Variants in POGZ observed in about 807,000 individuals in gnomAD.
POGZ encodes pogo transposable element derived with ZNF domain, also known as pogo transposable element with ZNF domain.
A neutral mutation model predicts 134.6 loss-of-function variants in POGZ; 17 were observed. The observed-to-expected ratio is 0.13, with a 90% CI of 0.09 to 0.19. POGZ has a LOEUF of 0.19. Among genes scored for constraint, POGZ ranks in the 10% least tolerant of loss-of-function variants. POGZ has a pLI of 1.00. For missense variants in POGZ, 1,306 were observed against 1,769.7 expected (o/e 0.74, Z 4.70); for synonymous variants, 693 against 657.1 (o/e 1.05, Z -0.84).
At chr1:151,443,750 AG>A (rs1260710214) in intron 1 of POGZ, among the ~76,000 whole-genome samples, 1 of 152,166 alleles carries the variant, frequency 6.6e-6, no homozygotes, top group East Asian at 1.9e-4. Context: ...AAATAAATAA[AG>A]TCTGTATCTC....
intron 10 of POGZ, among the ~76,000 whole-genome samples, chr1:151,419,122 T>C (rs1656369018): frequency 1.3e-5 from 2 of 149,994 alleles, no homozygotes; most frequent in African/African-American, 4.9e-5. Context: ...GGGAGGCCGA[T>C]GCAGGTATAT....
chr1:151,452,517 A>T (rs1453581789), intron 1 of POGZ, among the ~76,000 whole-genome samples: 1 of 152,002 alleles, frequency 6.6e-6, no homozygotes, highest in Non-Finnish European at 1.5e-5. Flanking sequence ...ATATTTTCTT[A>T]TAGATACTAG....
intron 10 of POGZ, among the ~76,000 whole-genome samples, chr1:151,417,688 CCA>C (rs59753677): frequency 0.34 from 47,170 of 137,116 alleles, 8,115 homozygotes; most frequent in Middle Eastern, 0.46. Context: ...GGTACTGTGG[CCA>C]CACACACACA....
intron 15 of POGZ, 34 bp downstream of exon 15, chr1:151,408,066 C>G (rs1206615076): frequency 2.1e-6 from 3 of 1,440,824 alleles, no homozygotes; most frequent in Non-Finnish European, 2.8e-6. Context: ...AATCTGAACT[C>G]TCAAGCTAAA....
intron 1 of POGZ, among the ~76,000 whole-genome samples, chr1:151,442,813 G>A (rs966341099): frequency 6.6e-6 from 1 of 151,542 alleles, no homozygotes; most frequent in Non-Finnish European, 1.5e-5. Flanking sequence ...GGTGGATCAC[G>A]AGGTCACGAG....
intron 1 of POGZ, among the ~76,000 whole-genome samples, chr1:151,456,405 A>G (rs193271918): frequency 1.6e-4 from 24 of 152,356 alleles, no homozygotes; most frequent in African/African-American, 5.5e-4. Flanking sequence ...TTGTTTTCCT[A>G]AAAGTGACAA....
intron 1 of POGZ, among the ~76,000 whole-genome samples, chr1:151,455,350 G>C (rs941937170): frequency 1.2e-4 from 18 of 152,154 alleles, no homozygotes; most frequent in African/African-American, 4.3e-4. Context: ...TTCAAAGCAA[G>C]CTTTTTTTGC....
At chr1:151,407,714 A>G (rs1653897452) in intron 15 of POGZ, among the ~76,000 whole-genome samples, 1 of 152,196 alleles carries the variant, frequency 6.6e-6, no homozygotes, top group Non-Finnish European at 1.5e-5. Flanking sequence ...TGAGTGCTCA[A>G]GAATCTGGCT....
rs1658377991 is a variant in POGZ at position 151,429,679 on chromosome 1, T to C, written c.492A>G (p.Gln164=). The change falls in exon 5 of 19, where the codon CAA becomes CAG. Residue 164 remains glutamine, a synonymous_variant. Coordinates refer to ENST00000271715, the MANE Select transcript of POGZ (RefSeq NM_015100.4). ...CAATCCCAACCTGATTCATTGCATTTTGTACAGGCCGGACATTCCTTACAG... is the reference window on the plus strand; with the variant it reads ...CAATCCCAACCTGATTCATTGCATTCTGTACAGGCCGGACATTCCTTACAG... ...GFPVRNVRPV[Q]NAMNQVGIVL... 1 of 1,613,080 alleles carries C rather than the reference T, an allele frequency of 6.2e-7. No individual in the cohort carries two copies. The highest frequency in any genetic ancestry group is 1.7e-5 in the Admixed American group (1 of 59,986).
At chr1:151,408,936 C>A in intron 12 of POGZ, 108 bp from the exon 13 acceptor site, 1 of 940,308 alleles carries the variant, frequency 1.1e-6, no homozygotes, top group Non-Finnish European at 1.6e-6. Context: ...TTCTTCCCAC[C>A]TTTCTGTTGA....
In POGZ at chr1:151,404,643, C is replaced by T. The variant is rs1653238344; in HGVS notation, c.*159G>A. On this transcript the variant is annotated 3_prime_UTR_variant, in exon 19 of 19. Transcript: ENST00000271715. ...TGGTTTTCCTAATTAATCCACAAAT[C>T]CACAGGGAAGTGTAAGTCAACTTCA... 6 of 1,381,164 alleles carry T rather than the reference C, an allele frequency of 4.3e-6. No homozygotes were observed. The highest frequency in any genetic ancestry group is 5.6e-6 in the Non-Finnish European group (6 of 1,071,720). The allele number at this position is 1,381,164 out of a possible 1,614,324, so 85.6% of individuals were successfully genotyped here.
chr1:151,422,498 CATCT>C (rs1657080135), intron 10 of POGZ, among the ~76,000 whole-genome samples: 1 of 152,196 alleles, frequency 6.6e-6, no homozygotes, highest in Non-Finnish European at 1.5e-5. Context: ...GTTCAGCCTA[CATCT>C]ATCTATAAAA....
intron 10 of POGZ, among the ~76,000 whole-genome samples, chr1:151,414,722 C>T (rs1031822267): frequency 6.6e-6 from 1 of 152,090 alleles, no homozygotes; most frequent in East Asian, 1.9e-4. Flanking sequence ...GCAGAGGCTG[C>T]GGTGAGCCAA....
chr1:151,412,207 A>T, intron 11 of POGZ, 89 bp downstream of exon 11: 1 of 695,852 alleles, frequency 1.4e-6, no homozygotes, highest in South Asian at 1.7e-5. Context: ...GAGTGTATGC[A>T]GTAGGTGGTC....
chr1:151,409,306 G>C (rs1287153295), intron 12 of POGZ, among the ~76,000 whole-genome samples: 1 of 152,078 alleles, frequency 6.6e-6, no homozygotes, highest in African/African-American at 2.4e-5. Flanking sequence ...CCAGTTTCCT[G>C]AGTATGCTTT....
At position 151,408,841 on chromosome 1, in the gene POGZ, AGGG is replaced by A; in HGVS notation, c.1927-16_1927-14del. On this transcript the variant is annotated splice_polypyrimidine_tract_variant and intron_variant, in intron 12 of 18. Transcript: ENST00000271715. ...AAACATTTCTCTTCTGAAGTGGGGGAGGGAAAAAAAGAGACAAAATCCCTTAAA... is the reference window on the plus strand; with the variant it reads ...AAACATTTCTCTTCTGAAGTGGGGGAAAAAAAAGAGACAAAATCCCTTAAA... 1 of 1,534,334 alleles carries A rather than the reference AGGG, an allele frequency of 6.5e-7. No homozygotes were observed. Among genetic ancestry groups the A allele is most frequent in the South Asian group, 1.1e-5 (1 of 87,000 alleles).
At chr1:151,425,581 C>T (rs1317054903) in intron 7 of POGZ, among the ~76,000 whole-genome samples, 1 of 152,122 alleles carries the variant, frequency 6.6e-6, no homozygotes, top group African/African-American at 2.4e-5. Context: ...CTCTAGGTAC[C>T]TCAAGTAAGT....
At position 151,439,441 on chromosome 1, in the gene POGZ, C is replaced by T. The variant is rs138265402; in HGVS notation, c.283+1487G>A. On this transcript the variant is annotated intron_variant, in intron 3 of 18. Coordinates refer to ENST00000271715, the MANE Select transcript of POGZ (RefSeq NM_015100.4). ...ATAATACCTAAAGTTGGCAACAATG[C>T]GGGGAAAGAGCTACTGGCGGGCACT... 8.7e-4 allele frequency among the ~76,000 whole-genome samples: 133 copies of T among 152,154 alleles called. 1 individual carries two copies. Among genetic ancestry groups the T allele is most frequent in the African/African-American group, 3.0e-3 (124 of 41,508 alleles).
intron 10 of POGZ, among the ~76,000 whole-genome samples, chr1:151,413,337 C>T (rs532126326): frequency 1.3e-5 from 2 of 151,876 alleles, no homozygotes; most frequent in African/African-American, 4.8e-5. Flanking sequence ...CCAGGCTGGT[C>T]GGAAACTCCT....
Sources: gnomAD v4.1 joint callset for allele counts (sites outside exome capture counted in the v4.1 genomes callset) on GRCh38, gnomAD v4.1.1 for gene constraint, MANE v1.5 for transcripts, NCBI Gene and HGNC (gene_info 2026-07-23, HGNC 2026-07-21) for gene names.